MYCBP2: variants seen among roughly 807,000 people sequenced by gnomAD.
The protein encoded by MYCBP2 is E3 ubiquitin-protein ligase MYCBP2.
In MYCBP2, 120 loss-of-function variants were observed where a neutral mutation model predicts 525.3. That is an observed-to-expected ratio of 0.23 (90% CI 0.20 to 0.27). The LOEUF is 0.27. MYCBP2 is among the 10% of genes least tolerant of loss of function. The pLI is 1.00. For missense variants in MYCBP2, 4,149 were observed against 5,657.1 expected (o/e 0.73, Z 8.55); for synonymous variants, 1,894 against 1,955.8 (o/e 0.97, Z 0.83).
rs539198773 is a variant in MYCBP2, at chr13:77,112,801, AAT to A, written c.8140+8570_8140+8571del. 1.0e-3 allele frequency among the ~76,000 whole-genome samples: 157 copies of A among 152,222 alleles called. 1 individual carries two copies. Among genetic ancestry groups the A allele is most frequent in the Middle Eastern group, 3.4e-3 (1 of 294 alleles). On this transcript the variant is annotated intron_variant, in intron 55 of 82. Coordinates refer to ENST00000544440, the MANE Select transcript of MYCBP2 (RefSeq NM_015057.5). Reference sequence around the variant, plus strand: ...ATTCTCCTCACCCTCCTGCATTATTAATATTTCTTTCAACTGAATTACTCTCA... The same window carrying A: ...ATTCTCCTCACCCTCCTGCATTATTAATTTCTTTCAACTGAATTACTCTCA...
chr13:77,121,341 G>A, intron 55 of MYCBP2, 32 bp downstream of exon 55: 1 of 1,461,594 alleles, frequency 6.8e-7, no homozygotes, highest in Non-Finnish European at 9.2e-7. Context: ...ATTGAAGTTA[G>A]GTAAGTAAAA....
intron 3 of MYCBP2, among the ~76,000 whole-genome samples, chr13:77,287,180 C>T (rs920557474): frequency 2.7e-5 from 4 of 147,202 alleles, no homozygotes; most frequent in Non-Finnish European, 4.5e-5. Context: ...AGCCATTACG[C>T]CCAGCCAGTT....
chr13:77,082,529 C>T (rs1265908552), intron 63 of MYCBP2, among the ~76,000 whole-genome samples: 1 of 152,064 alleles, frequency 6.6e-6, no homozygotes, highest in Non-Finnish European at 1.5e-5. Context: ...GTATGTGAAT[C>T]TAGTAACAAG....
chr13:77,146,285 T>C (rs1390934005), intron 47 of MYCBP2, 68 bp from the exon 48 acceptor site: 16 of 1,076,926 alleles, frequency 1.5e-5, no homozygotes, highest in Non-Finnish European at 2.1e-5. Context: ...AACAGAGTAA[T>C]ATATTATTCA....
At chr13:77,285,885 AAAGGAAAGG>A (rs2076697015) in intron 3 of MYCBP2, among the ~76,000 whole-genome samples, 1 of 142,720 alleles carries the variant, frequency 7.0e-6, no homozygotes, top group African/African-American at 3.0e-5. Context: ...AAAGGAAAGG[AAAGGAAAGG>A]AAAGCAAAGG....
chr13:77,081,773 C>A lies in MYCBP2; in HGVS notation c.11193+64G>T. 9 of 1,553,238 alleles carry A rather than the reference C, an allele frequency of 5.8e-6. No individual in the cohort carries two copies. Among genetic ancestry groups the A allele is most frequent in the Non-Finnish European group, 7.8e-6 (9 of 1,148,052 alleles). On this transcript the variant is annotated intron_variant, in intron 64 of 82. Transcript: ENST00000544440. The surrounding 1 kb of genome is among the most constrained non-coding windows in gnomAD (Gnocchi z 4.6). ...GATCAAATTGATTATGAATAACTTACAGTTTCTCCTTTGATGTATTATTAA... is the reference window on the plus strand; with the variant it reads ...GATCAAATTGATTATGAATAACTTAAAGTTTCTCCTTTGATGTATTATTAA...
In MYCBP2 at chr13:77,052,248, G is replaced by C. The variant is rs558710447; in HGVS notation, c.13648-330C>G. Among the ~76,000 whole-genome samples, 202 of 151,980 alleles carry C rather than the reference G, an allele frequency of 1.3e-3. 7 individuals carry two copies. The South Asian group carries it at 0.04, about 30-fold the overall frequency. On this transcript the variant is annotated intron_variant, in intron 80 of 82. Transcript: ENST00000544440. The stretch of plus-strand genomic sequence containing the variant: ...GGCTCTCACTCTGTTGCCCAGGCTG[G>C]AGCATAGTGGCGCAATCATGGCTCC...
intron 46 of MYCBP2, among the ~76,000 whole-genome samples, chr13:77,151,196 CA>C (rs2056402101): frequency 6.6e-6 from 1 of 152,008 alleles, no homozygotes; most frequent in Non-Finnish European, 1.5e-5. Flanking sequence ...TCAGAGATAT[CA>C]AAACATAAAA....
At chr13:77,136,052 C>T (rs1209542670) in intron 52 of MYCBP2, among the ~76,000 whole-genome samples, 2 of 152,090 alleles carry the variant, frequency 1.3e-5, no homozygotes, top group Non-Finnish European at 2.9e-5. Context: ...AACTGCTAAC[C>T]TTGTGATCCA....
At chr13:77,185,030 T>A in intron 32 of MYCBP2, 73 bp downstream of exon 32, 1 of 1,347,512 alleles carries the variant, frequency 7.4e-7, no homozygotes, top group South Asian at 1.4e-5. Flanking sequence ...ATATGGCAAC[T>A]GCAATTTATT....
intron 32 of MYCBP2, 38 bp from the exon 33 acceptor site, chr13:77,181,960 T>C (rs769847790): frequency 4.0e-6 from 6 of 1,499,770 alleles, no homozygotes; most frequent in East Asian, 4.6e-5. Flanking sequence ...AACCAAAAAA[T>C]ATAGCATCAG....
At chr13:77,240,988 T>C (rs1392239476) in intron 17 of MYCBP2, among the ~76,000 whole-genome samples, 1 of 152,236 alleles carries the variant, frequency 6.6e-6, no homozygotes, top group Non-Finnish European at 1.5e-5. Context: ...ATGTTCTATA[T>C]ATTTAGGACT....
intron 43 of MYCBP2, 97 bp from the exon 44 acceptor site, chr13:77,162,052 T>A: frequency 1.3e-6 from 1 of 799,622 alleles, no homozygotes; most frequent in South Asian, 1.8e-5. Context: ...TTTAAAAAAA[T>A]AATTCTGCTA....
intron 59 of MYCBP2, chr13:77,090,722 T>C (rs1015484026): frequency 6.6e-6 from 1 of 152,398 alleles, no homozygotes; most frequent in African/African-American, 2.4e-5. Flanking sequence ...TTTCTCACTC[T>C]TGGGAAATGT....
chr13:77,130,223 A>G, intron 52 of MYCBP2, among the ~76,000 whole-genome samples: 1 of 151,898 alleles, frequency 6.6e-6, no homozygotes. Context: ...CAAAATATTA[A>G]TAAAAAAGAT....
chr13:77,262,285 A>G (rs1406322660), intron 10 of MYCBP2, among the ~76,000 whole-genome samples, 156 bp from the exon 11 acceptor site: 1 of 152,078 alleles, frequency 6.6e-6, no homozygotes, highest in Admixed American at 6.6e-5. Flanking sequence ...AATATTAACC[A>G]TAGGTATAGT....
chr13:77,150,956 A>G lies in MYCBP2; in HGVS notation c.6916-7T>C, dbSNP rs774683406. 10 of 1,610,122 alleles carry G rather than the reference A, an allele frequency of 6.2e-6. No homozygotes were observed. The East Asian group carries it at 1.3e-4, about 22-fold the overall frequency. Reference sequence around the variant, plus strand: ...GGACAGCTTTCACTTCCACCTAAACATGGTATTATAGAAACCAAATACCAT... The same window carrying G: ...GGACAGCTTTCACTTCCACCTAAACGTGGTATTATAGAAACCAAATACCAT... On this transcript the variant is annotated splice_polypyrimidine_tract_variant and splice_region_variant and intron_variant, in intron 46 of 82. Transcript: ENST00000544440.
chr13:77,129,201 C>T (rs1170226002), intron 52 of MYCBP2: 1 of 397,866 alleles, frequency 2.5e-6, no homozygotes, highest in Non-Finnish European at 4.4e-6. Context: ...CGTCCAAATC[C>T]CTGACTCCTT....
At chr13:77,261,536 A>G (rs1448830986) in intron 11 of MYCBP2, among the ~76,000 whole-genome samples, 161 bp from the exon 12 acceptor site, 2 of 152,100 alleles carry the variant, frequency 1.3e-5, no homozygotes, top group East Asian at 3.8e-4. Context: ...TTGAGCAAGA[A>G]ATACACATAT....
Sources: gnomAD v4.1 joint callset for allele counts (sites outside exome capture counted in the v4.1 genomes callset) on GRCh38, gnomAD v4.1.1 for gene constraint, Gnocchi (gnomAD v3.1) non-coding constraint, MANE v1.5 for transcripts, NCBI Gene and HGNC (gene_info 2026-07-23, HGNC 2026-07-21) for gene names.